The following GRIN2A variants were observed in gnomAD, a reference collection of about 807,000 sequenced individuals.
The protein encoded by GRIN2A is glutamate ionotropic receptor NMDA type subunit 2A, also known as glutamate receptor ionotropic, NMDA 2A.
GRIN2A carries 22 observed loss-of-function variants against 113.4 expected under a neutral mutation model. The ratio of observed to expected loss-of-function variants is 0.19; its 90% CI spans 0.14 to 0.28. GRIN2A has a LOEUF of 0.28. Ranked by LOEUF, GRIN2A falls within the 10% of genes least tolerant of loss-of-function variation. The pLI is 1.00. For missense variants in GRIN2A, 1,502 were observed against 1,887.0 expected, an observed-to-expected ratio of 0.80 and a Z score of 3.78; for synonymous variants, 827 against 738.4, an observed-to-expected ratio of 1.12 and a Z score of -1.94.
chr16:9,846,635 G>T (rs1215013562), intron 5 of GRIN2A, among the ~76,000 whole-genome samples: 3 of 152,140 alleles, frequency 2.0e-5, no homozygotes, highest in South Asian at 2.1e-4. Context: ...CCTATATGTA[G>T]GTGGCTCAGA....
chr16:9,932,268 AGCTT>A (rs1326988125), intron 3 of GRIN2A, among the ~76,000 whole-genome samples: 1,876 of 152,348 alleles, frequency 0.012, 42 homozygotes, highest in African/African-American at 0.043. Context: ...ATTGGTGCTT[AGCTT>A]ATGTAAGACA....
chr16:9,987,520 AAAC>A (rs1377475431), intron 2 of GRIN2A, among the ~76,000 whole-genome samples: 6 of 152,250 alleles, frequency 3.9e-5, no homozygotes, highest in Non-Finnish European at 7.3e-5. Flanking sequence ...ATAAGAAAGC[AAAC>A]AAATACGCCA....
At chr16:10,121,421 C>T (rs1418664381) in intron 2 of GRIN2A, 1 of 152,038 alleles carries the variant, frequency 6.6e-6, no homozygotes. Context: ...GAATAACATC[C>T]GAAGATTACC....
rs374586957 is a variant in GRIN2A at position 10,155,843 on chromosome 16, G to A, written c.414+24155C>T. ...TTATTCACTATCACGAAAACAGCACGGGAAAGACCTGCCCCCATGATTCAA... is the reference window on the plus strand; with the variant it reads ...TTATTCACTATCACGAAAACAGCACAGGAAAGACCTGCCCCCATGATTCAA... On this transcript the variant is annotated intron_variant, in intron 2 of 12. Transcript: ENST00000330684. Among the ~76,000 whole-genome samples, 9 of 152,172 alleles carry A rather than the reference G, an allele frequency of 5.9e-5. No individual in the cohort carries two copies. The East Asian group carries it at 9.7e-4, about 16-fold the overall frequency.
chr16:9,979,038 A>G (rs893075439), intron 2 of GRIN2A, among the ~76,000 whole-genome samples: 18 of 152,126 alleles, frequency 1.2e-4, no homozygotes, highest in African/African-American at 4.3e-4. Flanking sequence ...CCTCTCTTAC[A>G]ATGCGGGTCC....
rs536509810 is a variant in GRIN2A, at chr16:9,987,378, A to G, written c.415-48827T>C. On this transcript the variant is annotated intron_variant, in intron 2 of 12. Transcript: ENST00000330684. Reference sequence around the variant, plus strand: ...ATAACTCAGAAACTATGGAAGCAAAAAAAATGCAGCTAGAATAATGTTGTT... The same window carrying G: ...ATAACTCAGAAACTATGGAAGCAAAGAAAATGCAGCTAGAATAATGTTGTT... Among the ~76,000 whole-genome samples, 58 of 152,330 alleles carry G rather than the reference A, an allele frequency of 3.8e-4. No homozygotes were observed. In the South Asian group the frequency reaches 0.012, roughly 32 times the overall value.
At chr16:9,886,971 C>T (rs1351473224) in intron 4 of GRIN2A, among the ~76,000 whole-genome samples, 1 of 152,032 alleles carries the variant, frequency 6.6e-6, no homozygotes, top group Non-Finnish European at 1.5e-5. Context: ...CACTGCAACC[C>T]TCGCCTCCCA....
intron 3 of GRIN2A, among the ~76,000 whole-genome samples, chr16:9,916,946 G>A (rs1318572265): frequency 6.6e-6 from 1 of 152,200 alleles, no homozygotes; most frequent in Non-Finnish European, 1.5e-5. Flanking sequence ...CTTTTGCAGA[G>A]GTAGCGTTGC....
chr16:9,852,255 C>A (rs1160959164), intron 4 of GRIN2A, among the ~76,000 whole-genome samples: 1 of 152,210 alleles, frequency 6.6e-6, no homozygotes, highest in African/African-American at 2.4e-5. Context: ...CCCAAAGGTG[C>A]TTTCTCGCTA....
chr16:10,133,170 C>T (rs950433538), intron 2 of GRIN2A, among the ~76,000 whole-genome samples: 33 of 152,204 alleles, frequency 2.2e-4, no homozygotes, highest in African/African-American at 8.0e-4. Context: ...TAAATCATAA[C>T]ATTTATACAG....
intron 2 of GRIN2A, among the ~76,000 whole-genome samples, chr16:10,116,948 C>G (rs1178869895): frequency 6.6e-6 from 1 of 152,034 alleles, no homozygotes; most frequent in African/African-American, 2.4e-5. Flanking sequence ...GAGAAGCCAT[C>G]ACTGTGTTGG....
At chr16:10,090,635 T>C (rs2048168298) in intron 2 of GRIN2A, among the ~76,000 whole-genome samples, 1 of 152,088 alleles carries the variant, frequency 6.6e-6, no homozygotes, top group South Asian at 2.1e-4. Context: ...GGAAAGCTCT[T>C]AGACACAAAA....
At chr16:10,130,024 G>A (rs1278301935) in intron 2 of GRIN2A, among the ~76,000 whole-genome samples, 1 of 152,224 alleles carries the variant, frequency 6.6e-6, no homozygotes, top group African/African-American at 2.4e-5. Context: ...AATCAAAGGT[G>A]ACTTGTAGGT....
intron 2 of GRIN2A, among the ~76,000 whole-genome samples, chr16:9,941,383 A>G (rs12708644): frequency 0.71 from 107,562 of 152,178 alleles, 39,707 homozygotes; most frequent in African/African-American, 0.87. Context: ...GTAGAGAGGA[A>G]GGCATGGCTG....
chr16:9,998,149 C>G (rs1320125986), intron 2 of GRIN2A, among the ~76,000 whole-genome samples: 1 of 152,126 alleles, frequency 6.6e-6, no homozygotes, highest in Non-Finnish European at 1.5e-5. Flanking sequence ...GTATGAGGCT[C>G]TACTTTATTC....
chr16:10,019,785 T>C (rs2046682027), intron 2 of GRIN2A, among the ~76,000 whole-genome samples: 1 of 152,208 alleles, frequency 6.6e-6, no homozygotes, highest in African/African-American at 2.4e-5. Flanking sequence ...GACTTAGAAA[T>C]GGCCATAATG....
At chr16:9,969,273 C>G (rs182471304) in intron 2 of GRIN2A, among the ~76,000 whole-genome samples, 1 of 152,226 alleles carries the variant, frequency 6.6e-6, no homozygotes, top group East Asian at 1.9e-4. Context: ...CTCCTTGACA[C>G]ACTCTCCTCC....
intron 2 of GRIN2A, among the ~76,000 whole-genome samples, chr16:10,116,668 G>GTTTCTTTT (rs2048733907): frequency 1.3e-5 from 2 of 152,114 alleles, no homozygotes; most frequent in Admixed American, 6.5e-5. Flanking sequence ...GAAGCCAGCA[G>GTTTCTTTT]CAGGGAAATT....
chr16:10,052,226 C>T (rs1256666807), intron 2 of GRIN2A, among the ~76,000 whole-genome samples: 1 of 152,214 alleles, frequency 6.6e-6, no homozygotes, highest in Non-Finnish European at 1.5e-5. Context: ...AAGCTCTTCT[C>T]CATCTGGAAT....
Sources: gnomAD v4.1 joint callset for allele counts (sites outside exome capture counted in the v4.1 genomes callset) on GRCh38, gnomAD v4.1.1 for gene constraint, MANE v1.5 for transcripts, NCBI Gene and HGNC (gene_info 2026-07-23, HGNC 2026-07-21) for gene names.